Variants in TRHDE observed in about 807,000 individuals in gnomAD.
TRHDE encodes the protein thyrotropin-releasing hormone-degrading ectoenzyme.
Under a neutral mutation model 125.7 loss-of-function variants are expected in TRHDE, and 72 were observed. The observed-to-expected ratio is 0.57, with a 90% CI of 0.47 to 0.70. The LOEUF is 0.70. Ranked by LOEUF, TRHDE falls within the 30% of genes least tolerant of loss-of-function variation. The pLI, the probability that TRHDE is intolerant of heterozygous loss-of-function variation, is 0.00. For missense variants in TRHDE, 1,110 were observed against 1,327.1 expected (o/e 0.84, Z 2.54); for synonymous variants, 509 against 509.1 (o/e 1.00, Z 0.00).
At chr12:72,215,912 G>A (rs1215987298) in intron 2 of TRHDE, among the ~76,000 whole-genome samples, 2 of 152,188 alleles carry the variant, frequency 1.3e-5, no homozygotes, top group African/African-American at 2.4e-5. Flanking sequence ...ATGCACTTTC[G>A]CCAAAAGGAA....
At chr12:72,482,221 C>T (rs1320360383) in intron 5 of TRHDE, among the ~76,000 whole-genome samples, 2 of 149,968 alleles carry the variant, frequency 1.3e-5, no homozygotes, top group Admixed American at 6.7e-5. Flanking sequence ...TGCTTGGTGG[C>T]TTCAGTTAGT....
chr12:72,569,225 T>C (rs1870605570), intron 10 of TRHDE, among the ~76,000 whole-genome samples: 1 of 152,224 alleles, frequency 6.6e-6, no homozygotes, highest in Non-Finnish European at 1.5e-5. Context: ...TAGTGACCTA[T>C]TTCAATTTAC....
At chr12:72,404,035 CTG>C (rs1231054722) in intron 3 of TRHDE, among the ~76,000 whole-genome samples, 1 of 152,098 alleles carries the variant, frequency 6.6e-6, no homozygotes, top group Non-Finnish European at 1.5e-5. Context: ...GTGTGTGTGT[CTG>C]TGTTTCTATG....
intron 3 of TRHDE, among the ~76,000 whole-genome samples, chr12:72,378,861 G>A (rs562086345): frequency 5.3e-5 from 8 of 152,148 alleles, no homozygotes; most frequent in Non-Finnish European, 1.2e-4. Flanking sequence ...TTTCAATGAG[G>A]CTGCTGCTTT....
At chr12:72,345,920 G>T (rs1032177794) in intron 2 of TRHDE, among the ~76,000 whole-genome samples, 1 of 152,198 alleles carries the variant, frequency 6.6e-6, no homozygotes, top group Non-Finnish European at 1.5e-5. Context: ...ATGTTCCTTG[G>T]TTGGGTGAAT....
chr12:72,430,915 T>C (rs1874449592), intron 3 of TRHDE, among the ~76,000 whole-genome samples: 1 of 152,064 alleles, frequency 6.6e-6, no homozygotes. Context: ...TTTAGGTATT[T>C]AATAGGTTCT....
chr12:72,230,632 A>G (rs530631637), intron 2 of TRHDE, among the ~76,000 whole-genome samples: 3 of 152,186 alleles, frequency 2.0e-5, no homozygotes, highest in South Asian at 4.2e-4. Flanking sequence ...TGATATTTTA[A>G]CAAATTCCAG....
At chr12:72,392,697 G>A (rs555898180) in intron 3 of TRHDE, among the ~76,000 whole-genome samples, 1 of 152,234 alleles carries the variant, frequency 6.6e-6, no homozygotes, top group South Asian at 2.1e-4. Flanking sequence ...GGCCAGAATT[G>A]ACCCATGGAC....
At chr12:72,603,772 A>T (rs1385141018) in intron 12 of TRHDE, among the ~76,000 whole-genome samples, 1 of 152,028 alleles carries the variant, frequency 6.6e-6, no homozygotes, top group Non-Finnish European at 1.5e-5. Context: ...CAACAAAAAA[A>T]CAATGTAAGT....
At chr12:72,502,558 A>G (rs1037929492) in intron 6 of TRHDE, among the ~76,000 whole-genome samples, 12 of 152,086 alleles carry the variant, frequency 7.9e-5, no homozygotes, top group Non-Finnish European at 1.6e-4. Context: ...ATTATGGTTT[A>G]TTTTATGGCC....
intron 2 of TRHDE, among the ~76,000 whole-genome samples, chr12:72,201,434 C>G (rs925784536): frequency 6.6e-6 from 1 of 152,104 alleles, no homozygotes; most frequent in Non-Finnish European, 1.5e-5. Flanking sequence ...CCTAATTTAG[C>G]CTAACTCTGT....
chr12:72,420,017 G>A (rs924536028), intron 3 of TRHDE, among the ~76,000 whole-genome samples: 1 of 152,054 alleles, frequency 6.6e-6, no homozygotes, highest in African/African-American at 2.4e-5. Context: ...ATAAAAACAC[G>A]TGAAATTTTA....
chr12:72,459,896 G>A (rs1346931907), intron 3 of TRHDE, among the ~76,000 whole-genome samples: 7 of 152,142 alleles, frequency 4.6e-5, no homozygotes, highest in African/African-American at 1.7e-4. Context: ...GGGATTACAG[G>A]TATGAGCCAC....
intron 2 of TRHDE, among the ~76,000 whole-genome samples, chr12:72,187,459 G>A (rs1877245647): frequency 6.7e-6 from 1 of 149,012 alleles, no homozygotes; most frequent in Admixed American, 6.6e-5. Flanking sequence ...TGGTGGTGGT[G>A]GTGGTGGTGG....
intron 2 of TRHDE, among the ~76,000 whole-genome samples, chr12:72,312,091 T>C (rs140658637): frequency 5.9e-5 from 9 of 152,280 alleles, no homozygotes; most frequent in African/African-American, 1.9e-4. Flanking sequence ...CCCTGAGAAG[T>C]AGGTACTGTT....
At chr12:72,180,892 G>C (rs1256215735) in intron 2 of TRHDE, among the ~76,000 whole-genome samples, 1 of 152,140 alleles carries the variant, frequency 6.6e-6, no homozygotes, top group Non-Finnish European at 1.5e-5. Flanking sequence ...CCTACTGACT[G>C]TTATGCTTCC....
chr12:72,650,281 A>T (rs936010292), intron 15 of TRHDE, among the ~76,000 whole-genome samples: 1 of 152,090 alleles, frequency 6.6e-6, no homozygotes, highest in African/African-American at 2.4e-5. Flanking sequence ...CAGTCACAGA[A>T]AGACAGTTAT....
chr12:72,222,365 G>C (rs879361826), intron 2 of TRHDE, among the ~76,000 whole-genome samples: 2 of 152,086 alleles, frequency 1.3e-5, no homozygotes, highest in African/African-American at 2.4e-5. Context: ...ACAGGTTGCT[G>C]ACTGGGACCT....
At chr12:72,453,837 G>T (rs1443864481) in intron 3 of TRHDE, among the ~76,000 whole-genome samples, 2 of 152,208 alleles carry the variant, frequency 1.3e-5, no homozygotes, top group African/African-American at 4.8e-5. Context: ...CTGATTCAGA[G>T]GGTGTAAGCC....
Sources: gnomAD v4.1 joint callset for allele counts (sites outside exome capture counted in the v4.1 genomes callset) on GRCh38, gnomAD v4.1.1 for gene constraint, MANE v1.5 for transcripts, NCBI Gene and HGNC (gene_info 2026-07-23, HGNC 2026-07-21) for gene names.